Variants in ANKRD62 observed in about 807,000 individuals in gnomAD.
ANKRD62 encodes ankyrin repeat domain 62.
ANKRD62 carries 61 observed loss-of-function variants against 98.8 expected under a neutral mutation model. The observed-to-expected ratio is 0.62, with a 90% CI of 0.50 to 0.76. The LOEUF (loss-of-function observed/expected upper bound fraction) is 0.76. Ranked by LOEUF, ANKRD62 falls within the 30% of genes least tolerant of loss-of-function variation. The pLI is 0.00. For missense variants in ANKRD62, 933 were observed against 1,082.9 expected, an observed-to-expected ratio of 0.86 and a Z score of 1.94; for synonymous variants, 341 against 367.9, an observed-to-expected ratio of 0.93 and a Z score of 0.84.
the ANKRD62 span, among the ~76,000 whole-genome samples, chr18:12,172,280 A>G: frequency 6.6e-6 from 1 of 151,988 alleles, no homozygotes; most frequent in Non-Finnish European, 1.5e-5. Flanking sequence ...GGTTTTATCT[A>G]CCTTTGGTGT....
the ANKRD62 span, among the ~76,000 whole-genome samples, chr18:12,154,478 C>T: frequency 6.6e-6 from 1 of 152,188 alleles, no homozygotes; most frequent in South Asian, 2.1e-4. Flanking sequence ...GAAAAGGGAA[C>T]ACATACATTG....
At chr18:12,140,274 T>G in the ANKRD62 span, among the ~76,000 whole-genome samples, 7 of 152,178 alleles carry the variant, frequency 4.6e-5, no homozygotes, top group Admixed American at 4.6e-4. Context: ...GTTTTTAACT[T>G]CTTTGCCATT....
the ANKRD62 span, among the ~76,000 whole-genome samples, chr18:12,180,799 CT>C: frequency 3.4e-3 from 509 of 147,834 alleles, 6 homozygotes; most frequent in South Asian, 0.044. Context: ...TAAAACAATT[CT>C]TTTTTTTTTA....
At chr18:12,169,989 T>C in the ANKRD62 span, among the ~76,000 whole-genome samples, 1 of 152,230 alleles carries the variant, frequency 6.6e-6, no homozygotes, top group Non-Finnish European at 1.5e-5. Context: ...CCTTTATCAT[T>C]TTTTATTGCA....
At chr18:12,137,063 G>T in the ANKRD62 span, among the ~76,000 whole-genome samples, 1 of 152,052 alleles carries the variant, frequency 6.6e-6, no homozygotes, top group Non-Finnish European at 1.5e-5. Context: ...TGATTGCCCT[G>T]GCCAGAACTT....
At chr18:12,136,281 C>A in the ANKRD62 span, among the ~76,000 whole-genome samples, 2 of 151,920 alleles carry the variant, frequency 1.3e-5, no homozygotes, top group Non-Finnish European at 2.9e-5. Flanking sequence ...GTTTTCCCAG[C>A]ACCATTTATT....
At chr18:12,173,202 G>T in the ANKRD62 span, among the ~76,000 whole-genome samples, 1 of 152,214 alleles carries the variant, frequency 6.6e-6, no homozygotes, top group African/African-American at 2.4e-5. Flanking sequence ...GGGAGCTGTA[G>T]ACTGGAGCTG....
At chr18:12,152,251 C>G in the ANKRD62 span, among the ~76,000 whole-genome samples, 1 of 150,940 alleles carries the variant, frequency 6.6e-6, no homozygotes, top group African/African-American at 2.4e-5. Flanking sequence ...CCAGCATTCT[C>G]CTGATACCGA....
chr18:12,093,864 C>A lies in ANKRD62; in HGVS notation c.-154C>A. 1.4e-6 allele frequency: 1 copy of A among 704,852 alleles called. No homozygotes were observed. The highest frequency in any genetic ancestry group is 2.4e-6 in the Non-Finnish European group (1 of 415,186). 43.7% of individuals were successfully genotyped at this position (704,852 alleles called of 1,614,324 possible). A position where few individuals can be genotyped will look rare whatever the true frequency, so the allele number is the denominator to read the frequency against. ...TAACGGCTCTGCTGGGCTAGGTGCT[C>A]CTCCGAGCAGCTGGAGACTGGAGTG... On this transcript the variant is annotated 5_prime_UTR_variant, in exon 1 of 14. Coordinates refer to ENST00000587848, the MANE Select transcript of ANKRD62 (RefSeq NM_001277333.2).
chr18:12,158,762 C>T, the ANKRD62 span, among the ~76,000 whole-genome samples: 3 of 151,586 alleles, frequency 2.0e-5, no homozygotes, highest in Non-Finnish European at 2.9e-5. Flanking sequence ...TCTCGATCTC[C>T]TGACCTCGTG....
the ANKRD62 span, among the ~76,000 whole-genome samples, chr18:12,138,830 T>C: frequency 1.3e-5 from 2 of 152,178 alleles, no homozygotes; most frequent in African/African-American, 2.4e-5. Flanking sequence ...TTTTTGTTGG[T>C]TTAAAGTCTG....
the ANKRD62 span, among the ~76,000 whole-genome samples, chr18:12,163,650 A>G: frequency 6.6e-6 from 1 of 152,074 alleles, no homozygotes; most frequent in Admixed American, 6.6e-5. Flanking sequence ...TGGGTCTGTT[A>G]TACATGGTTT....
At chr18:12,167,073 A>G in the ANKRD62 span, among the ~76,000 whole-genome samples, 3 of 151,982 alleles carry the variant, frequency 2.0e-5, no homozygotes, top group African/African-American at 7.3e-5. Flanking sequence ...GTATGGCTGC[A>G]TAGCATTCCA....
At position 12,111,671 on chromosome 18, in the gene ANKRD62, G is replaced by A. The variant is rs533068707; in HGVS notation, c.1065-3417G>A. ...TACCTAGAAAACCACATAGTGTGAG[G>A]CCAAAATCTTCTTAAGCTGATACAA... is the stretch of plus-strand genomic sequence containing the variant. On this transcript the variant is annotated intron_variant, in intron 8 of 13. Transcript: ENST00000587848. 3.3e-5 allele frequency among the ~76,000 whole-genome samples: 5 copies of A among 152,210 alleles called. No individual in the cohort carries two copies. The South Asian group carries it at 6.2e-4, about 19-fold the overall frequency.
intron 8 of ANKRD62, among the ~76,000 whole-genome samples, chr18:12,109,751 G>A (rs1456766552): frequency 2.0e-5 from 3 of 152,010 alleles, no homozygotes; most frequent in Non-Finnish European, 4.4e-5. Context: ...CCAGGAGTTG[G>A]CCAACTTTTT....
At chr18:12,163,701 G>T in the ANKRD62 span, among the ~76,000 whole-genome samples, 1 of 151,892 alleles carries the variant, frequency 6.6e-6, no homozygotes, top group Admixed American at 6.6e-5. Flanking sequence ...CCAGTTTTTT[G>T]AGGGCTTTTA....
the ANKRD62 span, among the ~76,000 whole-genome samples, chr18:12,176,819 C>T: frequency 3.4e-5 from 4 of 119,078 alleles, 1 homozygote; most frequent in African/African-American, 6.4e-5. Context: ...GAAAGCATGA[C>T]GTCTTTATAT....
chr18:12,180,780 A>G, the ANKRD62 span, among the ~76,000 whole-genome samples: 1 of 152,134 alleles, frequency 6.6e-6, no homozygotes, highest in African/African-American at 2.4e-5. Flanking sequence ...GAAGACATGT[A>G]TGAGAAATTA....
chr18:12,106,087 CATTTAACTCA>C (rs1257034975), intron 7 of ANKRD62, among the ~76,000 whole-genome samples: 2 of 152,144 alleles, frequency 1.3e-5, no homozygotes, highest in Non-Finnish European at 2.9e-5. Flanking sequence ...CAAATTGATC[CATTTAACTCA>C]ATATGTTAAG....
Sources: allele counts gnomAD v4.1 joint callset (sites outside exome capture counted in the v4.1 genomes callset), GRCh38; gene constraint gnomAD v4.1.1; transcripts MANE v1.5; gene names NCBI Gene and HGNC (gene_info 2026-07-23, HGNC 2026-07-21).